The following NCOA3 variants were observed in gnomAD, a reference collection of about 807,000 sequenced individuals.
NCOA3 encodes the protein nuclear receptor coactivator 3.
NCOA3 carries 51 observed loss-of-function variants against 158.8 expected under a neutral mutation model. The ratio of observed to expected loss-of-function variants is 0.32; its 90% CI spans 0.26 to 0.41. NCOA3 has a LOEUF of 0.41. Ranked by LOEUF, NCOA3 falls within the 10% of genes least tolerant of loss-of-function variation. The probability of loss-of-function intolerance (pLI) is 1.00; values close to 1 mark genes in which losing one functional copy is unlikely to be tolerated. For missense variants in NCOA3, 1,510 were observed against 1,746.6 expected (o/e 0.86, Z 2.41); for synonymous variants, 537 against 592.4 (o/e 0.91, Z 1.36).
chr20:47,543,637 G>A (rs1368898680), intron 1 of NCOA3, among the ~76,000 whole-genome samples: 1 of 151,884 alleles, frequency 6.6e-6, no homozygotes, highest in African/African-American at 2.4e-5. Flanking sequence ...AGCCTCCCGA[G>A]TAGCTGGGAC....
At chr20:47,550,314 C>T (rs1225554893) in intron 1 of NCOA3, among the ~76,000 whole-genome samples, 2 of 151,672 alleles carry the variant, frequency 1.3e-5, no homozygotes, top group Non-Finnish European at 2.9e-5. Flanking sequence ...CATGGAGGCA[C>T]ATGCCTGTAA....
At chr20:47,569,053 G>A (rs1396626748) in intron 1 of NCOA3, among the ~76,000 whole-genome samples, 1 of 151,620 alleles carries the variant, frequency 6.6e-6, no homozygotes, top group East Asian at 1.9e-4. Flanking sequence ...CCGGGTTCAA[G>A]CAGTTCTTCT....
chr20:47,532,162 T>A (rs1018429853), intron 1 of NCOA3, among the ~76,000 whole-genome samples: 1 of 143,552 alleles, frequency 7.0e-6, no homozygotes, highest in African/African-American at 2.7e-5. Context: ...GTTTTAGATA[T>A]CATGGTAAGT....
intron 1 of NCOA3, among the ~76,000 whole-genome samples, chr20:47,529,930 A>G (rs1346467339): frequency 1.3e-5 from 2 of 152,246 alleles, no homozygotes; most frequent in African/African-American, 2.4e-5. Flanking sequence ...AAATATGAAG[A>G]AGAACCGCAG....
intron 1 of NCOA3, among the ~76,000 whole-genome samples, chr20:47,568,964 T>G (rs1472534783): frequency 6.6e-6 from 1 of 151,964 alleles, no homozygotes; most frequent in Non-Finnish European, 1.5e-5. Context: ...CAGTTTTTTT[T>G]TTTTTTGAGG....
chr20:47,650,901 G>A (rs1395600121), intron 19 of NCOA3, 81 bp from the exon 20 acceptor site: 1 of 1,307,030 alleles, frequency 7.7e-7, no homozygotes, highest in Non-Finnish European at 1.1e-6. Context: ...CTTATACCTG[G>A]TGTATTGTGG....
At chr20:47,547,556 G>A (rs983515953) in intron 1 of NCOA3, among the ~76,000 whole-genome samples, 11 of 151,812 alleles carry the variant, frequency 7.2e-5, no homozygotes, top group Admixed American at 1.3e-4. Flanking sequence ...GGGACTACAG[G>A]CGCCCATCAC....
intron 1 of NCOA3, among the ~76,000 whole-genome samples, chr20:47,511,260 T>G (rs1369475496): frequency 6.8e-6 from 1 of 147,132 alleles, no homozygotes; most frequent in Non-Finnish European, 1.5e-5. Context: ...TCTTTTTTTT[T>G]TTTTGAGATG....
At chr20:47,537,882 G>A (rs6012205) in intron 1 of NCOA3, among the ~76,000 whole-genome samples, 1 of 147,930 alleles carries the variant, frequency 6.8e-6, no homozygotes, top group South Asian at 2.1e-4. Flanking sequence ...GTGCCTGGCT[G>A]TTTGTTTGTT....
chr20:47,582,754 T>C (rs889802089), intron 1 of NCOA3, among the ~76,000 whole-genome samples: 2 of 152,178 alleles, frequency 1.3e-5, no homozygotes, highest in Non-Finnish European at 2.9e-5. Context: ...GTGTACTTGA[T>C]AGCTTTTGTT....
intron 4 of NCOA3, among the ~76,000 whole-genome samples, chr20:47,625,030 C>T (rs1404603699): frequency 6.6e-6 from 1 of 152,164 alleles, no homozygotes; most frequent in Non-Finnish European, 1.5e-5. Context: ...GCCTCAGCCT[C>T]CCAGAGTGCT....
chr20:47,655,404 T>C lies in NCOA3; in HGVS notation c.*1987T>C, dbSNP rs1333631217. 6.6e-6 allele frequency: 1 copy of C among 152,226 alleles called. No individual in the cohort carries two copies. The highest frequency in any genetic ancestry group is 2.4e-5 in the African/African-American group (1 of 41,450). 9.4% of individuals were successfully genotyped at this position (152,226 alleles called of 1,614,324 possible). A position where few individuals can be genotyped will look rare whatever the true frequency, so the allele number is the denominator to read the frequency against. On this transcript the variant is annotated 3_prime_UTR_variant, in exon 23 of 23. Coordinates refer to ENST00000371998, the MANE Select transcript of NCOA3 (RefSeq NM_181659.3). ...GAATTTCACACATTTAGCCAATCTT[T>C]CTAGATGTCTCTGAAGGTAAGATCA...
chr20:47,641,385 T>C (rs2146330871), intron 16 of NCOA3, among the ~76,000 whole-genome samples: 1 of 143,278 alleles, frequency 7.0e-6, no homozygotes, highest in Non-Finnish European at 1.5e-5. Flanking sequence ...TGGAGTGCAG[T>C]GGTGCAATCT....
intron 1 of NCOA3, among the ~76,000 whole-genome samples, chr20:47,517,035 T>C (rs2084244913): frequency 6.6e-6 from 1 of 151,926 alleles, no homozygotes; most frequent in South Asian, 2.1e-4. Flanking sequence ...CCAGCCAGCA[T>C]GGTGAAACCT....
intron 2 of NCOA3, among the ~76,000 whole-genome samples, chr20:47,619,785 A>G (rs2086204678): frequency 6.6e-6 from 1 of 152,096 alleles, no homozygotes. Context: ...AAGGAATGGA[A>G]TCACTATTCT....
intron 1 of NCOA3, among the ~76,000 whole-genome samples, chr20:47,513,395 C>G (rs2084179121): frequency 2.0e-5 from 3 of 151,964 alleles, no homozygotes; most frequent in Admixed American, 1.3e-4. Flanking sequence ...CATGATATAA[C>G]CATACAATGG....
In NCOA3 at chr20:47,618,370, T is replaced by TTTTTTA. The variant is rs1555811916; in HGVS notation, c.-19-3859_-19-3858insTTTTTA. 5.1e-4 allele frequency among the ~76,000 whole-genome samples: 72 copies of TTTTTTA among 142,162 alleles called. 3 individuals carry two copies. The highest frequency in any genetic ancestry group is 1.0e-3 in the African/African-American group (37 of 36,710). 93.3% of individuals were successfully genotyped at this position (142,162 alleles called of 152,430 possible). A position where few individuals can be genotyped will look rare whatever the true frequency, so the allele number is the denominator to read the frequency against. ...TTAGTTTTTTTTTTTTTTTTTTTTT[T>TTTTTTA]ATAGACAGAATTCACTCTTGCTGCC... On this transcript the variant is annotated intron_variant, in intron 2 of 22. Coordinates refer to ENST00000371998, the MANE Select transcript of NCOA3 (RefSeq NM_181659.3).
At chr20:47,543,314 A>G (rs933212575) in intron 1 of NCOA3, among the ~76,000 whole-genome samples, 1 of 152,040 alleles carries the variant, frequency 6.6e-6, no homozygotes, top group African/African-American at 2.4e-5. Flanking sequence ...TTGATACAGT[A>G]TGGGAGGGGA....
chr20:47,547,368 A>G (rs560771683), intron 1 of NCOA3, among the ~76,000 whole-genome samples: 1 of 151,782 alleles, frequency 6.6e-6, no homozygotes, highest in Non-Finnish European at 1.5e-5. Context: ...GTACTTTAGG[A>G]AAGTTCCTAG....
Sources: gnomAD v4.1 joint callset for allele counts (sites outside exome capture counted in the v4.1 genomes callset) on GRCh38, gnomAD v4.1.1 for gene constraint, MANE v1.5 for transcripts, NCBI Gene and HGNC (gene_info 2026-07-23, HGNC 2026-07-21) for gene names.